Variants in ATM observed in about 807,000 individuals in gnomAD.
ATM encodes the protein serine-protein kinase ATM.
Under a neutral mutation model 387.0 loss-of-function variants are expected in ATM, and 308 were observed. The ratio of observed to expected loss-of-function variants is 0.80; its 90% confidence interval spans 0.73 to 0.87. ATM has a LOEUF of 0.87. Ranked by LOEUF, ATM falls within the 40% of genes least tolerant of loss-of-function variation. ATM has a pLI of 0.00. For missense variants in ATM, 3,312 were observed against 3,560.9 expected (o/e 0.93, Z 1.78); for synonymous variants, 1,156 against 1,187.3 (o/e 0.97, Z 0.54).
intron 47 of ATM, 181 bp from the exon 48 acceptor site, chr11:108,327,464 A>G: frequency 1.8e-6 from 1 of 567,016 alleles, no homozygotes; most frequent in Non-Finnish European, 3.2e-6. Context: ...ACAGAGGATG[A>G]TCATTTCCTA....
rs587779828 is a variant in ATM, at chr11:108,271,104, C to T, written c.2879C>T (p.Pro960Leu). The T allele has an allele frequency of 5.6e-6, 9 of 1,614,074 alleles. No individual in the cohort carries two copies. Among genetic ancestry groups the T allele is most frequent in the Non-Finnish European group, 7.6e-6 (9 of 1,180,024 alleles). Residue 960 changes from proline to leucine, a missense_variant, in exon 19 of 63, where the codon CCC (proline) becomes CTC (leucine). Physicochemically the swap from Pro to Leu is moderately conservative, Grantham distance 98. Transcript: ENST00000675843. ...LLKELPGEEY[P>L]LPMEDVLELL... ...AAGGAGCTTCCTGGAGAAGAGTACC[C>T]CTTGCCAATGGAAGATGTTCTTGAA...
chr11:108,368,018 GCT>G lies in ATM; in HGVS notation c.*2511_*2512del. ...ATAAATGAATTTGTAGCTAATTCTT[GCT>G]AGTTGTTGCATCCAGAGAGCTTTGA... is the stretch of plus-strand genomic sequence containing the variant. On this transcript the variant is annotated 3_prime_UTR_variant, in exon 63 of 63. Transcript: ENST00000675843. 1 of 206,494 alleles carries G rather than the reference GCT, an allele frequency of 4.8e-6. No individual in the cohort carries two copies. Among genetic ancestry groups the G allele is most frequent in the Non-Finnish European group, 9.9e-6 (1 of 101,270 alleles). The allele number at this position is 206,494 out of a possible 1,614,324, so 12.8% of individuals were successfully genotyped here.
chr11:108,250,280 G>A (rs1313233887), intron 9 of ATM, among the ~76,000 whole-genome samples: 2 of 151,974 alleles, frequency 1.3e-5, no homozygotes, highest in East Asian at 3.9e-4. Context: ...AGCGTCCTGA[G>A]TAGCTGGGAT....
At chr11:108,347,194 TCAGTGGTCTTAATTGA>T in intron 58 of ATM, 69 bp from the exon 59 acceptor site, 1 of 1,027,042 alleles carries the variant, frequency 9.7e-7, no homozygotes, top group Non-Finnish European at 1.5e-6. Context: ...TTATACCAAG[TCAGTGGTCTTAATTGA>T]AATTATGGCT....
At chr11:108,355,279 G>A (rs998761721) in intron 61 of ATM, 1 of 232,442 alleles carries the variant, frequency 4.3e-6, no homozygotes, top group Non-Finnish European at 8.6e-6. Flanking sequence ...CAAATTGTCA[G>A]CATCATTACT....
At position 108,344,635 on chromosome 11, in the gene ATM, T is replaced by C. The variant is rs2088063010; in HGVS notation, c.8419-1108T>C. 4.0e-5 allele frequency among the ~76,000 whole-genome samples: 6 copies of C among 151,776 alleles called. No individual in the cohort carries two copies. In the South Asian group the frequency reaches 1.2e-3, roughly 32 times the overall value. On this transcript the variant is annotated intron_variant, in intron 57 of 62. Coordinates refer to ENST00000675843, the MANE Select transcript of ATM (RefSeq NM_000051.4). ...TGGTCTGAACTGAGATGAACAGCAG[T>C]AGGAAGGGAGAATCGTGGGTAGAGA...
chr11:108,361,647 G>A (rs80169580), intron 61 of ATM, among the ~76,000 whole-genome samples: 1 of 151,568 alleles, frequency 6.6e-6, no homozygotes, highest in Non-Finnish European at 1.5e-5. Flanking sequence ...AACGCCGCAT[G>A]TCTACAACTA....
intron 36 of ATM, 110 bp downstream of exon 36, chr11:108,303,139 T>C: frequency 8.7e-7 from 1 of 1,145,974 alleles, no homozygotes; most frequent in Non-Finnish European, 1.2e-6. Flanking sequence ...ACTCAAACTG[T>C]TGTAAATTTA....
chr11:108,272,492 A>G (rs1565427409), intron 20 of ATM, 40 bp from the exon 21 acceptor site: 2 of 1,509,796 alleles, frequency 1.3e-6, no homozygotes, highest in Admixed American at 1.7e-5. Context: ...TGCTTTTATC[A>G]GAATGATTAT....
intron 11 of ATM, among the ~76,000 whole-genome samples, chr11:108,252,616 T>A (rs939257617): frequency 6.6e-6 from 1 of 152,204 alleles, no homozygotes; most frequent in African/African-American, 2.4e-5. Context: ...CTAAACAGTA[T>A]TGGAAATGAT....
At position 108,354,818 on chromosome 11, in the gene ATM, G is replaced by A. The variant is rs1240328733; in HGVS notation, c.8794G>A (p.Glu2932Lys). Residue 2932 changes from glutamate (E) to lysine (K), a missense_variant, in exon 61 of 63, where the codon GAG (glutamate) becomes AAG (lysine). Glu to Lys is a moderately conservative substitution (Grantham distance 56). Coordinates refer to ENST00000675843, the MANE Select transcript of ATM (RefSeq NM_000051.4). ...GVEGVFRRCC[E>K]KTMEVMRNSQ... ...TAATGTGTTTGACTCTAGATGCTGTGAGAAAACCATGGAAGTGATGAGAAA... is the reference window on the plus strand; with the variant it reads ...TAATGTGTTTGACTCTAGATGCTGTAAGAAAACCATGGAAGTGATGAGAAA... The A allele has an allele frequency of 6.2e-7, 1 of 1,613,682 alleles. No individual in the cohort carries two copies. The highest frequency in any genetic ancestry group is 2.2e-5 in the East Asian group (1 of 44,868).
intron 55 of ATM, 185 bp downstream of exon 55, chr11:108,335,294 T>C: frequency 6.6e-7 from 1 of 1,506,408 alleles, no homozygotes; most frequent in Non-Finnish European, 8.9e-7. Context: ...TTTGTGTCTC[T>C]GAAAGACAAT....
Position 108,241,530 on chromosome 11 carries a change from T to G in ATM, c.497-2423T>G, listed in dbSNP as rs56075601. Among the ~76,000 whole-genome samples, 894 of 151,250 alleles carry G rather than the reference T, an allele frequency of 5.9e-3. 10 individuals carry two copies. Among genetic ancestry groups the G allele is most frequent in the African/African-American group, 0.018 (726 of 40,582 alleles). ...TTGTGCTATGACATCACTAAGTATT[T>G]AAATAGGAATTTTTCAGTTCTGATA... is the stretch of plus-strand genomic sequence containing the variant. On this transcript the variant is annotated intron_variant, in intron 5 of 62. Transcript: ENST00000675843.
Position 108,343,210 on chromosome 11 carries a change from CTG to C in ATM, c.8269-10_8269-9del, listed in dbSNP as rs587780641. On this transcript the variant is annotated splice_polypyrimidine_tract_variant and intron_variant, in intron 56 of 62. Transcript: ENST00000675843. ...CTTTTAAAATTAAAAGGTATTTAAT[CTG>C]TAACTCCAGGTGGTTCCCCTCTCTC... 11 of 1,613,610 alleles carry C rather than the reference CTG, an allele frequency of 6.8e-6. No individual in the cohort carries two copies. Among genetic ancestry groups the C allele is most frequent in the Non-Finnish European group, 9.3e-6 (11 of 1,179,762 alleles).
chr11:108,344,773 G>A (rs545775699), intron 57 of ATM, among the ~76,000 whole-genome samples: 1 of 152,100 alleles, frequency 6.6e-6, no homozygotes, highest in Non-Finnish European at 1.5e-5. Flanking sequence ...GGATACCAAG[G>A]CAGGAGGATT....
intron 58 of ATM, 96 bp from the exon 59 acceptor site, chr11:108,347,183 A>AGTGG: frequency 2.1e-6 from 2 of 973,650 alleles, no homozygotes; most frequent in East Asian, 4.8e-5. Flanking sequence ...CTACTTAAAG[A>AGTGG]TTATACCAAG....
At chr11:108,261,645 C>T (rs932874720) in intron 16 of ATM, among the ~76,000 whole-genome samples, 31 of 152,266 alleles carry the variant, frequency 2.0e-4, no homozygotes, top group African/African-American at 6.7e-4. Flanking sequence ...ATGACTTTGA[C>T]GAGCTGAGAG....
intron 6 of ATM, among the ~76,000 whole-genome samples, chr11:108,244,482 T>C (rs1324459694): frequency 6.6e-6 from 1 of 152,198 alleles, no homozygotes; most frequent in Non-Finnish European, 1.5e-5. Context: ...ATGGCAGTAC[T>C]CAATGTATAA....
chr11:108,329,570 C>G (rs1415987587), intron 49 of ATM, among the ~76,000 whole-genome samples: 2 of 152,028 alleles, frequency 1.3e-5, no homozygotes, highest in Non-Finnish European at 2.9e-5. Context: ...CACGCCATAC[C>G]TGGCTAATTT....
Sources: allele counts gnomAD v4.1 joint callset (sites outside exome capture counted in the v4.1 genomes callset), GRCh38; gene constraint gnomAD v4.1.1; transcripts MANE v1.5; gene names NCBI Gene and HGNC (gene_info 2026-07-23, HGNC 2026-07-21).